VWF: variants seen among roughly 807,000 people sequenced by gnomAD.
VWF encodes Factor VIII related antigen.
In VWF, 176 loss-of-function variants were observed where a neutral mutation model predicts 308.6. The ratio of observed to expected loss-of-function variants is 0.57; its 90% CI spans 0.50 to 0.65. VWF has a LOEUF of 0.65. VWF is among the 30% of genes least tolerant of loss of function. The pLI is 0.00. For missense variants in VWF, 3,146 were observed against 3,648.2 expected (o/e 0.86, Z 3.55); for synonymous variants, 1,385 against 1,443.4 (o/e 0.96, Z 0.92).
At chr12:6,017,652 A>G (rs1031049353) in intron 28 of VWF, among the ~76,000 whole-genome samples, 12 of 152,172 alleles carry the variant, frequency 7.9e-5, no homozygotes, top group African/African-American at 2.9e-4. Flanking sequence ...TGTGCCAGAT[A>G]CTATTTTAAG....
chr12:6,092,993 G>A (rs1945067654), intron 6 of VWF, among the ~76,000 whole-genome samples: 1 of 151,862 alleles, frequency 6.6e-6, no homozygotes, highest in African/African-American at 2.4e-5. Flanking sequence ...CCCTTGAAGT[G>A]CCTGCTTTCA....
intron 44 of VWF, among the ~76,000 whole-genome samples, chr12:5,969,872 G>C (rs905535866): frequency 6.6e-6 from 1 of 152,172 alleles, no homozygotes; most frequent in African/African-American, 2.4e-5. Flanking sequence ...TGGGTAGCCT[G>C]ACCCCAAGGG....
At chr12:6,064,762 C>A (rs1271307285) in intron 11 of VWF, among the ~76,000 whole-genome samples, 2 of 152,180 alleles carry the variant, frequency 1.3e-5, no homozygotes, top group African/African-American at 4.8e-5. Flanking sequence ...AAGGAAGCCA[C>A]ACATGTACCA....
Position 6,073,762 on chromosome 12 carries a change from G to C in VWF, c.875-21C>G, listed in dbSNP as rs369136266. ...TGGGCCTGAAAAGGAACATCAAAGG[G>C]GTCTACCCAGGGCAGGTCCCACCGG... is the stretch of plus-strand genomic sequence containing the variant. On this transcript the variant is annotated intron_variant, in intron 7 of 51. Transcript: ENST00000261405. 3 of 1,613,344 alleles carry C rather than the reference G, an allele frequency of 1.9e-6. No individual in the cohort carries two copies. In the African/African-American group the frequency reaches 4.0e-5, roughly 22 times the overall value.
At chr12:5,964,223 C>A (rs144120254) in intron 47 of VWF, among the ~76,000 whole-genome samples, 4,314 of 132,710 alleles carry the variant, frequency 0.033, 204 homozygotes, top group African/African-American at 0.14. Flanking sequence ...TCTAAAAATA[C>A]ATACATACAT....
In VWF at chr12:6,058,258, A is replaced by G. The variant is rs1390092049; in HGVS notation, c.1534-214T>C. Among the ~76,000 whole-genome samples, 1 of 152,220 alleles carries G rather than the reference A, an allele frequency of 6.6e-6. No individual in the cohort carries two copies. The highest frequency in any genetic ancestry group is 1.5e-5 in the Non-Finnish European group (1 of 68,032). On this transcript the variant is annotated intron_variant, in intron 13 of 51. Transcript: ENST00000261405. The surrounding 1 kb of genome is among the most constrained non-coding windows in gnomAD (Gnocchi z 4.9). The stretch of plus-strand genomic sequence containing the variant: ...TTTACCAGCTCCATCCCTGTTCCCA[A>G]ATCATCAGAGCCCTGTACTGCCACA...
At chr12:6,057,251 G>C (rs1028836051) in intron 14 of VWF, among the ~76,000 whole-genome samples, 179 bp from the exon 15 acceptor site, 1 of 151,204 alleles carries the variant, frequency 6.6e-6, no homozygotes, top group Non-Finnish European at 1.5e-5. Flanking sequence ...ATCATCTAAC[G>C]CTGAGTTTGT....
chr12:6,053,883 C>T (rs1194141851), intron 15 of VWF, among the ~76,000 whole-genome samples: 2 of 152,176 alleles, frequency 1.3e-5, no homozygotes, highest in Non-Finnish European at 2.9e-5. Flanking sequence ...AGGAGTGTTC[C>T]AGAGAAAGGC....
At chr12:5,989,072 G>A (rs76177381) in intron 38 of VWF, among the ~76,000 whole-genome samples, 5 of 152,076 alleles carry the variant, frequency 3.3e-5, no homozygotes, top group Non-Finnish European at 5.9e-5. Context: ...GAGGGAAGGA[G>A]GCTACGGGCC....
chr12:6,063,471 G>C lies in VWF; in HGVS notation c.1433-417C>G, dbSNP rs986686159. On this transcript the variant is annotated intron_variant, in intron 12 of 51. Transcript: ENST00000261405. This position sits in a 1 kb window ranked among gnomAD's most constrained non-coding sequence, Gnocchi z 4.9. ...TCTGAGCGATGCTGTGTACGACACT[G>C]AATACAGCAATTGTTGCTTCTGTGG... is the stretch of plus-strand genomic sequence containing the variant. Among the ~76,000 whole-genome samples the C allele has an allele frequency of 1.3e-5, 2 of 152,184 alleles. No homozygotes were observed. The highest frequency in any genetic ancestry group is 4.8e-5 in the African/African-American group (2 of 41,426).
chr12:6,005,726 A>G (rs924921882), intron 34 of VWF, among the ~76,000 whole-genome samples: 1 of 152,210 alleles, frequency 6.6e-6, no homozygotes, highest in African/African-American at 2.4e-5. Context: ...TCTATTCAAA[A>G]GAAAACAACG....
intron 13 of VWF, among the ~76,000 whole-genome samples, chr12:6,062,434 G>GTGT (rs964714594): frequency 5.3e-5 from 8 of 152,096 alleles, no homozygotes; most frequent in African/African-American, 1.9e-4. Flanking sequence ...CAGAGAAACA[G>GTGT]TGAAAAGTAT....
intron 45 of VWF, among the ~76,000 whole-genome samples, chr12:5,968,972 C>G (rs1943437029): frequency 6.6e-6 from 1 of 152,136 alleles, no homozygotes; most frequent in African/African-American, 2.4e-5. Flanking sequence ...AAGGTGGTCT[C>G]CAAATCAGAG....
Position 6,065,028 on chromosome 12 carries a change from A to G in VWF, c.1293+109T>C, listed in dbSNP as rs375092486. 778 of 1,513,456 alleles carry G rather than the reference A, an allele frequency of 5.1e-4. 3 individuals are homozygous for G. The African/African-American group carries it at 5.5e-3, about 11-fold the overall frequency. 93.8% of individuals were successfully genotyped at this position (1,513,456 alleles called of 1,614,324 possible). On this transcript the variant is annotated intron_variant, in intron 11 of 51. Coordinates refer to ENST00000261405, the MANE Select transcript of VWF (RefSeq NM_000552.5). ...CTGAAGTCTGGAAGAGACCTCCCTC[A>G]TGCACAGAAAGCAATGCCCCACGCC...
rs143445274 is a variant in VWF, at chr12:6,013,615, T to C, written c.5486A>G (p.Asp1829Gly). The change falls in exon 32 of 52, where the codon GAT (aspartate) becomes GGT (glycine). Residue 1829 changes from aspartate to glycine, a missense_variant. Around this residue, in one of 3 missense-constraint regions of VWF, gnomAD observed 853 missense variants for 1,177.8 expected, o/e 0.72. Coordinates refer to ENST00000261405, the MANE Select transcript of VWF (RefSeq NM_000552.5). ...CCGTAGCTGGGCTGCATCGTAGCGA[T>C]CTCCAATTCCAATAGGGAACACTGT... Reference protein sequence around the residue: ...RVTVFPIGIGDRYDAAQLRIL... With the variant: ...RVTVFPIGIGGRYDAAQLRIL... The C allele has an allele frequency of 6.2e-7, 1 of 1,613,412 alleles. No homozygotes were observed. Among genetic ancestry groups the C allele is most frequent in the African/African-American group, 1.3e-5 (1 of 74,882 alleles).
chr12:5,981,724 C>T, intron 42 of VWF, 62 bp downstream of exon 42: 1 of 1,561,670 alleles, frequency 6.4e-7, no homozygotes, highest in Non-Finnish European at 8.8e-7. Context: ...GAAGGATAAA[C>T]TGACAGCAAT....
intron 24 of VWF, among the ~76,000 whole-genome samples, chr12:6,025,375 G>T (rs546684845): frequency 6.6e-6 from 1 of 152,346 alleles, no homozygotes; most frequent in South Asian, 2.1e-4. Flanking sequence ...GAAATGTTTT[G>T]CCAGGCATTG....
At chr12:6,071,476 CA>C in intron 9 of VWF, 133 bp from the exon 10 acceptor site, 1 of 978,040 alleles carries the variant, frequency 1.0e-6, no homozygotes, top group East Asian at 2.4e-5. Context: ...CTGGTGCTAG[CA>C]GAATCTTCAT....
At chr12:6,111,006 C>G in intron 3 of VWF, 38 bp from the exon 4 acceptor site, 1 of 1,541,314 alleles carries the variant, frequency 6.5e-7, no homozygotes. Context: ...GATTATTACT[C>G]CTCTCAAAAA....
Sources: allele counts gnomAD v4.1 joint callset (sites outside exome capture counted in the v4.1 genomes callset), GRCh38; gene constraint gnomAD v4.1.1; regional missense constraint gnomAD v4.1.1; non-coding constraint Gnocchi (gnomAD v3.1); transcripts MANE v1.5; gene names NCBI Gene and HGNC (gene_info 2026-07-23, HGNC 2026-07-21).